Variants in ARAP2 observed in about 807,000 individuals in gnomAD.
The protein encoded by ARAP2 is ArfGAP with RhoGAP domain, ankyrin repeat and PH domain 2.
Under a neutral mutation model 194.5 loss-of-function variants are expected in ARAP2, and 148 were observed. The ratio of observed to expected loss-of-function variants is 0.76; its 90% CI spans 0.67 to 0.87. The LOEUF is 0.87. Among genes scored for constraint, ARAP2 ranks in the 40% least tolerant of loss-of-function variants. The pLI, the probability that ARAP2 is intolerant of heterozygous loss-of-function variation, is 0.00. For synonymous variants in ARAP2, 695 were observed against 683.5 expected, an observed-to-expected ratio of 1.02 and a Z score of -0.26; for missense variants, 2,128 against 1,989.7, an observed-to-expected ratio of 1.07 and a Z score of -1.32.
intron 31 of ARAP2, among the ~76,000 whole-genome samples, chr4:36,079,047 G>A (rs1350258564): frequency 2.0e-5 from 3 of 151,804 alleles, no homozygotes; most frequent in East Asian, 1.9e-4. Context: ...GGTGGTGCAC[G>A]CCTGTAATCC....
At chr4:36,123,249 G>A (rs1275519963) in intron 22 of ARAP2, among the ~76,000 whole-genome samples, 2 of 151,690 alleles carry the variant, frequency 1.3e-5, no homozygotes, top group East Asian at 3.9e-4. Context: ...TTACATTGTG[G>A]TGCATGATAA....
At chr4:36,069,229 T>C (rs1049290214) in intron 32 of ARAP2, among the ~76,000 whole-genome samples, 21 of 152,208 alleles carry the variant, frequency 1.4e-4, no homozygotes, top group Admixed American at 1.4e-3. Context: ...TAAAAATATT[T>C]TCATGAATAT....
chr4:36,131,990 G>A (rs1725563881), intron 20 of ARAP2, among the ~76,000 whole-genome samples: 1 of 151,628 alleles, frequency 6.6e-6, no homozygotes, highest in African/African-American at 2.4e-5. Flanking sequence ...AAAACATAAT[G>A]AATCTGGACA....
chr4:36,066,657 C>T lies in ARAP2; in HGVS notation c.*1250G>A, dbSNP rs1466898500. 1 of 152,114 alleles carries T rather than the reference C, an allele frequency of 6.6e-6. No individual in the cohort carries two copies. Among genetic ancestry groups the T allele is most frequent in the East Asian group, 1.9e-4 (1 of 5,206 alleles). The allele number at this position is 152,114 out of a possible 1,614,324, so 9.4% of individuals were successfully genotyped here. On this transcript the variant is annotated 3_prime_UTR_variant, in exon 33 of 33. Coordinates refer to ENST00000303965, the MANE Select transcript of ARAP2 (RefSeq NM_015230.4). Reference sequence around the variant, plus strand: ...AAAGAAACTGATGGAAAAATGCTTCCCCTAACATGAACTATGGTTAGATAG... The same window carrying T: ...AAAGAAACTGATGGAAAAATGCTTCTCCTAACATGAACTATGGTTAGATAG...
At chr4:36,074,527 T>G (rs1727790405) in intron 31 of ARAP2, among the ~76,000 whole-genome samples, 1 of 152,046 alleles carries the variant, frequency 6.6e-6, no homozygotes, top group African/African-American at 2.4e-5. Context: ...ATCTCTGATA[T>G]ATACATATAA....
intron 19 of ARAP2, 144 bp downstream of exon 19, chr4:36,147,152 T>C (rs1578067344): frequency 3.3e-6 from 2 of 605,796 alleles, no homozygotes; most frequent in Admixed American, 3.0e-5. Context: ...AGAGCTAATA[T>C]ATACTATATA....
chr4:36,051,876 CTGTT>C (rs1722728157), intron 3 of ARAP2: 1 of 152,200 alleles, frequency 6.6e-6, no homozygotes, highest in South Asian at 2.1e-4. Flanking sequence ...TGACGTGTGA[CTGTT>C]TGATAAAGAC....
chr4:36,218,432 TA>T (rs1275525958), intron 2 of ARAP2, among the ~76,000 whole-genome samples: 1 of 151,608 alleles, frequency 6.6e-6, no homozygotes, highest in Non-Finnish European at 1.5e-5. Context: ...ACCCTAAAAC[TA>T]AAATATTAAA....
At chr4:36,121,461 A>C (rs924429451) in intron 22 of ARAP2, 135 bp from the exon 23 acceptor site, 4 of 715,054 alleles carry the variant, frequency 5.6e-6, no homozygotes, top group Non-Finnish European at 8.6e-6. Context: ...GTGACTTAAA[A>C]GCATATGGTT....
chr4:36,041,840 G>T (rs1488125629), intron 5 of ARAP2, among the ~76,000 whole-genome samples: 1 of 152,154 alleles, frequency 6.6e-6, no homozygotes, highest in Non-Finnish European at 1.5e-5. Flanking sequence ...ATACTATGCT[G>T]CCATAAAAAG....
At chr4:36,146,846 A>T (rs1376959044) in intron 19 of ARAP2, among the ~76,000 whole-genome samples, 1 of 152,084 alleles carries the variant, frequency 6.6e-6, no homozygotes. Flanking sequence ...AATACCTTTA[A>T]GAGTCCCTGA....
rs28483853 is a variant in ARAP2 at position 36,135,220 on chromosome 4, G to A, written c.3264-1831C>T. Among the ~76,000 whole-genome samples, 1,434 of 151,816 alleles carry A rather than the reference G, an allele frequency of 9.4e-3. 20 individuals carry two copies. The highest frequency in any genetic ancestry group is 0.033 in the African/African-American group (1,353 of 41,462). On this transcript the variant is annotated intron_variant, in intron 19 of 32. Coordinates refer to ENST00000303965, the MANE Select transcript of ARAP2 (RefSeq NM_015230.4). ...CAACCCAAAGAGGCATGAATAAACCGCATGAATTCTGGGGCTTTGGGGGCC... is the reference window on the plus strand; with the variant it reads ...CAACCCAAAGAGGCATGAATAAACCACATGAATTCTGGGGCTTTGGGGGCC...
chr4:36,014,335 AAAG>A (rs1715341085), intron 8 of ARAP2, among the ~76,000 whole-genome samples: 2 of 80,518 alleles, frequency 2.5e-5, no homozygotes, highest in East Asian at 3.2e-4. Context: ...AGAAAGAAAG[AAAG>A]AAAGAAAGAA....
Position 36,166,957 on chromosome 4 carries a change from T to C in ARAP2, c.1948A>G (p.Ile650Val). Residue 650 changes from isoleucine (I) to valine (V), a missense_variant, in exon 10 of 33, where the codon ATA becomes GTA. Coordinates refer to ENST00000303965, the MANE Select transcript of ARAP2 (RefSeq NM_015230.4). ...VDRTVKQSFE[I>V]ITPYRSFSFT... is the part of the protein sequence containing the mutation. ...CTGAAACTCCTGTAGGGAGTGATTA[T>C]TTCAAAAGATTGTTTCACAGTTCGG... The C allele has an allele frequency of 6.2e-7, 1 of 1,605,424 alleles. No individual in the cohort carries two copies. Among genetic ancestry groups the C allele is most frequent in the African/African-American group, 1.3e-5 (1 of 74,664 alleles).
chr4:36,183,290 T>C (rs1739705341), intron 8 of ARAP2, among the ~76,000 whole-genome samples: 1 of 36,874 alleles, frequency 2.7e-5, no homozygotes, highest in Admixed American at 4.2e-4. Flanking sequence ...TTAAAATTTT[T>C]TTTAATTAAA....
intron 32 of ARAP2, among the ~76,000 whole-genome samples, chr4:36,069,938 C>T (rs928899891): frequency 2.6e-5 from 4 of 151,978 alleles, no homozygotes; most frequent in Non-Finnish European, 4.4e-5. Context: ...CCTTTCCCCC[C>T]TCTCTCTCTT....
At chr4:36,064,524 A>G (rs1725072980), downstream of ARAP2, among the ~76,000 whole-genome samples, 1 of 152,066 alleles carries the variant, frequency 6.6e-6, no homozygotes, top group Admixed American at 6.5e-5. Flanking sequence ...GCACAGGGAT[A>G]CTACTTGGTT....
chr4:36,087,152 T>A (rs1192833865), intron 28 of ARAP2, among the ~76,000 whole-genome samples: 1 of 152,122 alleles, frequency 6.6e-6, no homozygotes, highest in Admixed American at 6.6e-5. Context: ...GTTGATAATT[T>A]ACTATAAAAT....
chr4:36,103,315 T>A (rs1434246566), intron 27 of ARAP2, among the ~76,000 whole-genome samples: 1 of 151,728 alleles, frequency 6.6e-6, no homozygotes, highest in Non-Finnish European at 1.5e-5. Context: ...TTCTCATGTA[T>A]CATATTCTAT....
Sources: gnomAD v4.1 joint callset for allele counts (sites outside exome capture counted in the v4.1 genomes callset) on GRCh38, gnomAD v4.1.1 for gene constraint, MANE v1.5 for transcripts, NCBI Gene and HGNC (gene_info 2026-07-23, HGNC 2026-07-21) for gene names.